The following GFRA2 variants were observed in gnomAD, a reference collection of about 807,000 sequenced individuals.
The protein encoded by GFRA2 is GDNF family receptor alpha-2.
GFRA2 carries 17 observed loss-of-function variants against 48.3 expected under a neutral mutation model. The observed-to-expected ratio is 0.35, with a 90% CI of 0.24 to 0.53. The LOEUF is 0.53. Among genes scored for constraint, GFRA2 ranks in the 20% least tolerant of loss-of-function variants. The probability of loss-of-function intolerance (pLI) is 0.93; values close to 1 mark genes in which losing one functional copy is unlikely to be tolerated. For missense variants in GFRA2, 660 were observed against 637.3 expected, an observed-to-expected ratio of 1.04 and a Z score of -0.38; for synonymous variants, 305 against 257.2, an observed-to-expected ratio of 1.19 and a Z score of -1.78.
At chr8:21,774,949 A>G (rs1806623286) in intron 3 of GFRA2, 23 bp downstream of exon 3, 1 of 1,384,426 alleles carries the variant, frequency 7.2e-7, no homozygotes, top group Non-Finnish European at 1.0e-6. Flanking sequence ...GAACGGGCCA[A>G]GTCCCAGTGC....
chr8:21,809,276 C>T (rs891884474), intron 1 of GFRA2, among the ~76,000 whole-genome samples: 2 of 152,172 alleles, frequency 1.3e-5, no homozygotes, highest in African/African-American at 2.4e-5. Context: ...AATGCATGTC[C>T]GCTGCAGATG....
intron 4 of GFRA2, among the ~76,000 whole-genome samples, chr8:21,717,928 C>T (rs1022203642): frequency 2.6e-5 from 4 of 152,344 alleles, no homozygotes; most frequent in Non-Finnish European, 5.9e-5. Context: ...CACAGAACCA[C>T]ACCCAGCCAT....
In GFRA2 at chr8:21,706,394, G is replaced by C. The variant is rs531132872; in HGVS notation, c.795-353C>G. On this transcript the variant is annotated intron_variant, in intron 4 of 8. Coordinates refer to ENST00000524240, the MANE Select transcript of GFRA2 (RefSeq NM_001495.5). ...GAATGCCTGGACCCCAGGCAGGAAA[G>C]CTGGGTCCACCTTCTGAGAGGCTGC... 185 of 475,098 alleles carry C rather than the reference G, an allele frequency of 3.9e-4. 2 individuals are homozygous for C. The highest frequency in any genetic ancestry group is 1.4e-3 in the South Asian group (88 of 64,706). The allele number at this position is 475,098 out of a possible 1,614,324, so 29.4% of individuals were successfully genotyped here.
Position 21,693,346 on chromosome 8 carries a change from G to C in GFRA2, c.1327C>G (p.Pro443Ala), listed in dbSNP as rs77601365. Residue 443 changes from proline (P) to alanine (A), a missense_variant, in exon 9 of 9, where the codon CCC becomes GCC. Physicochemically the swap from Pro to Ala is conservative, Grantham distance 27. Coordinates refer to ENST00000524240, the MANE Select transcript of GFRA2 (RefSeq NM_001495.5). ...SNKVIKPNSGPSRARPSAALT... is the reference protein window; with the variant it reads ...SNKVIKPNSGASRARPSAALT... ...GCAGCCGACGGTCTGGCTCTGCTGG[G>C]GCCTGAGTTAGGTTTGATCACCTTG... The C allele has an allele frequency of 2.5e-6, 4 of 1,613,128 alleles. No homozygotes were observed. In the African/African-American group the frequency reaches 5.3e-5, roughly 22 times the overall value.
Position 21,784,503 on chromosome 8 carries a change from G to A in GFRA2, c.41-1604C>T, listed in dbSNP as rs762247784. Among the ~76,000 whole-genome samples the A allele has an allele frequency of 1.1e-3, 167 of 152,334 alleles. 1 individual carries two copies. The highest frequency in any genetic ancestry group is 3.8e-3 in the African/African-American group (157 of 41,584). On this transcript the variant is annotated intron_variant, in intron 1 of 8. Transcript: ENST00000524240. ...CCCGGGAGGCCCTGCTCAGGGGAGC[G>A]CTACCGCAGGGAGACAGCGACACCT... is the stretch of plus-strand genomic sequence containing the variant.
chr8:21,755,740 G>T (rs1805536238), intron 3 of GFRA2, among the ~76,000 whole-genome samples: 2 of 152,246 alleles, frequency 1.3e-5, no homozygotes, highest in Admixed American at 1.3e-4. Flanking sequence ...CAGGCACAGA[G>T]GGGAGCAGGT....
At chr8:21,787,229 G>A (rs751414467) in intron 1 of GFRA2, among the ~76,000 whole-genome samples, 2 of 143,872 alleles carry the variant, frequency 1.4e-5, no homozygotes, top group Non-Finnish European at 3.0e-5. Context: ...GCTCAGTGGC[G>A]CCAGGCAGCC....
chr8:21,702,072 C>T (rs1317282923), intron 7 of GFRA2, among the ~76,000 whole-genome samples: 1 of 152,180 alleles, frequency 6.6e-6, no homozygotes, highest in Non-Finnish European at 1.5e-5. Context: ...CTGAGCTGCC[C>T]GCCGCTCTAG....
In GFRA2 at chr8:21,750,541, T is replaced by C; in HGVS notation, c.794+47A>G. ...GAGAAAGGAAAACACAGCCTGGCAATGCAAGCGCCCTCCTGCCAGCACCAC... is the reference window on the plus strand; with the variant it reads ...GAGAAAGGAAAACACAGCCTGGCAACGCAAGCGCCCTCCTGCCAGCACCAC... On this transcript the variant is annotated intron_variant, in intron 4 of 8. Transcript: ENST00000524240. The surrounding 1 kb of genome is among the most constrained non-coding windows in gnomAD (Gnocchi z 5.7). 1 of 1,100,930 alleles carries C rather than the reference T, an allele frequency of 9.1e-7. No individual in the cohort carries two copies. 68.2% of individuals were successfully genotyped at this position (1,100,930 alleles called of 1,614,324 possible).
intron 4 of GFRA2, among the ~76,000 whole-genome samples, chr8:21,714,989 G>A (rs146574600): frequency 1.1e-4 from 17 of 152,288 alleles, no homozygotes; most frequent in East Asian, 5.8e-4. Context: ...GCTTTCTAAC[G>A]TCCCCTCTGG....
intron 4 of GFRA2, among the ~76,000 whole-genome samples, chr8:21,740,003 C>T (rs1276657171): frequency 6.6e-6 from 1 of 152,206 alleles, no homozygotes; most frequent in African/African-American, 2.4e-5. Context: ...CCCCTCCAAG[C>T]CCAGGGAGGA....
chr8:21,694,534 G>A lies in GFRA2; in HGVS notation c.1219-17C>T, dbSNP rs1330395667. ...CCCCTGCTCCTGCGAGAGAGAAGGT[G>A]CCAGTCAGGACGAGTCACCAGGCTG... On this transcript the variant is annotated splice_polypyrimidine_tract_variant and intron_variant, in intron 7 of 8. Coordinates refer to ENST00000524240, the MANE Select transcript of GFRA2 (RefSeq NM_001495.5). The A allele has an allele frequency of 6.2e-7, 1 of 1,606,728 alleles. No individual in the cohort carries two copies. Among genetic ancestry groups the A allele is most frequent in the Admixed American group, 1.7e-5 (1 of 59,296 alleles).
chr8:21,748,109 A>G (rs1034525037), intron 4 of GFRA2, among the ~76,000 whole-genome samples: 3 of 151,988 alleles, frequency 2.0e-5, no homozygotes, highest in African/African-American at 7.3e-5. Context: ...AGGCCATTTC[A>G]TTTACTGCTG....
At chr8:21,782,082 A>G (rs1385240256) in intron 2 of GFRA2, among the ~76,000 whole-genome samples, 2 of 151,876 alleles carry the variant, frequency 1.3e-5, no homozygotes, top group African/African-American at 4.9e-5. Context: ...GCCCTGGGGC[A>G]GGGCAGCAGC....
chr8:21,808,182 T>C (rs1807907864), intron 1 of GFRA2, among the ~76,000 whole-genome samples: 1 of 152,324 alleles, frequency 6.6e-6, no homozygotes, highest in South Asian at 2.1e-4. Context: ...GGGGAAGGGC[T>C]CATCTTTGTG....
intron 1 of GFRA2, among the ~76,000 whole-genome samples, chr8:21,811,323 C>T (rs1807976672): frequency 6.6e-6 from 1 of 152,188 alleles, no homozygotes. Flanking sequence ...CAGTGTCTCC[C>T]CTGGGACTCT....
upstream of GFRA2, among the ~76,000 whole-genome samples, chr8:21,791,781 C>T (rs1807578216): frequency 6.6e-6 from 1 of 152,274 alleles, no homozygotes; most frequent in East Asian, 1.9e-4. Context: ...AATTAGGGAC[C>T]TATGACAAGG....
intron 2 of GFRA2, among the ~76,000 whole-genome samples, chr8:21,796,533 G>T (rs1183664120): frequency 1.3e-5 from 2 of 152,272 alleles, no homozygotes; most frequent in East Asian, 3.8e-4. Flanking sequence ...CTCCCAAGGG[G>T]CTGTGGCCAG....
intron 2 of GFRA2, among the ~76,000 whole-genome samples, chr8:21,802,946 G>T (rs1807797664): frequency 6.6e-6 from 1 of 152,164 alleles, no homozygotes; most frequent in East Asian, 1.9e-4. Context: ...AGGCTGTGGG[G>T]ATTTGTACAG....
Sources: allele counts gnomAD v4.1 joint callset (sites outside exome capture counted in the v4.1 genomes callset), GRCh38; gene constraint gnomAD v4.1.1; non-coding constraint Gnocchi (gnomAD v3.1); transcripts MANE v1.5; gene names NCBI Gene and HGNC (gene_info 2026-07-23, HGNC 2026-07-21).